PCDHA13: variants seen among roughly 807,000 people sequenced by gnomAD.
PCDHA13 encodes the protein protocadherin alpha-13.
A neutral mutation model predicts 64.8 loss-of-function variants in PCDHA13; 54 were observed. The ratio of observed to expected loss-of-function variants is 0.83; its 90% CI spans 0.67 to 1.04. The LOEUF (loss-of-function observed/expected upper bound fraction) is 1.04, where lower values mean the gene tolerates loss of function less well. Among genes scored for constraint, PCDHA13 ranks in the 50% least tolerant of loss-of-function variants. The probability of loss-of-function intolerance (pLI) is 0.00; values close to 1 mark genes in which losing one functional copy is unlikely to be tolerated. For missense variants in PCDHA13, 1,248 were observed against 1,254.3 expected, an observed-to-expected ratio of 0.99 and a Z score of 0.08; for synonymous variants, 587 against 564.4, an observed-to-expected ratio of 1.04 and a Z score of -0.57.
chr5:140,993,463 CACACA>C (rs1563592057), intron 3 of PCDHA13, among the ~76,000 whole-genome samples: 16 of 7,580 alleles, frequency 2.1e-3, no homozygotes, highest in African/African-American at 9.9e-3. Flanking sequence ...CTTTCTTTCT[CACACA>C]CACACACACA....
chr5:140,967,727 G>A, intron 1 of PCDHA13: 1 of 1,614,148 alleles, frequency 6.2e-7, no homozygotes. Context: ...GCGAGTAATT[G>A]GGGGGCTGGA....
intron 1 of PCDHA13, among the ~76,000 whole-genome samples, chr5:140,910,845 G>C (rs1448971238): frequency 6.6e-6 from 1 of 152,090 alleles, no homozygotes; most frequent in Non-Finnish European, 1.5e-5. Context: ...CAATGCCTTG[G>C]ATCTATGTTC....
In PCDHA13 at chr5:140,967,411, A is replaced by T. The variant is rs142102675; in HGVS notation, c.2395-11538A>T. The T allele has an allele frequency of 4.6e-5, 74 of 1,613,220 alleles. No individual in the cohort carries two copies. The African/African-American group carries it at 9.5e-4, about 21-fold the overall frequency. On this transcript the variant is annotated intron_variant, in intron 1 of 3. Coordinates refer to ENST00000289272, the MANE Select transcript of PCDHA13 (RefSeq NM_018904.3). The stretch of plus-strand genomic sequence containing the variant: ...TTGAGCTGGTGCTGCGTAAGGGCCT[A>T]GACCGGGAGCAGGCAGCCTTGCACC...
intron 1 of PCDHA13, among the ~76,000 whole-genome samples, chr5:140,897,050 G>A (rs1269082503): frequency 6.6e-6 from 1 of 152,014 alleles, no homozygotes; most frequent in Non-Finnish European, 1.5e-5. Flanking sequence ...CTATTCTGCT[G>A]TCAAATACTA....
At chr5:140,986,668 A>C (rs927109652) in intron 3 of PCDHA13, among the ~76,000 whole-genome samples, 15 of 152,192 alleles carry the variant, frequency 9.9e-5, no homozygotes, top group African/African-American at 3.6e-4. Context: ...CACAGTTTTC[A>C]GAAGAGTTCA....
At chr5:140,893,548 C>T (rs2064047739) in intron 1 of PCDHA13, among the ~76,000 whole-genome samples, 1 of 152,126 alleles carries the variant, frequency 6.6e-6, no homozygotes, top group Non-Finnish European at 1.5e-5. Flanking sequence ...TAGGACTTAT[C>T]TAGTTGTAGT....
At position 140,884,652 on chromosome 5, in the gene PCDHA13, G is replaced by A. The variant is rs2060303446; in HGVS notation, c.2384G>A (p.Cys795Tyr). 1 of 1,603,582 alleles carries A rather than the reference G, an allele frequency of 6.2e-7. No individual in the cohort carries two copies. Among genetic ancestry groups the A allele is most frequent in the Non-Finnish European group, 8.5e-7 (1 of 1,175,674 alleles). ...GTGQREEDSE[C>Y]LKEPRQPNPD... ...GGCCAGAGGGAGGAGGACTCAGAAT[G>A]CTTGAAAGAGGTAAGCTTATATTTT... The change falls in exon 1 of 4, where the codon TGC becomes TAC. Residue 795 changes from cysteine (C) to tyrosine (Y), a missense_variant. By Grantham distance (194) the Cys-to-Tyr change is radical (BLOSUM62 -2). Transcript: ENST00000289272.
chr5:140,985,902 T>G (rs1026675848), intron 3 of PCDHA13, among the ~76,000 whole-genome samples: 2 of 151,212 alleles, frequency 1.3e-5, no homozygotes, highest in Non-Finnish European at 2.9e-5. Flanking sequence ...ACCACTCCCG[T>G]CTAATTTTTT....
intron 1 of PCDHA13, among the ~76,000 whole-genome samples, chr5:140,954,634 T>C (rs1366737169): frequency 6.6e-6 from 1 of 152,210 alleles, no homozygotes; most frequent in Admixed American, 6.5e-5. Flanking sequence ...GTTTTTCTTG[T>C]AAATTTGTTT....
At chr5:140,954,864 G>A (rs2095103058) in intron 1 of PCDHA13, among the ~76,000 whole-genome samples, 1 of 152,074 alleles carries the variant, frequency 6.6e-6, no homozygotes, top group Admixed American at 6.5e-5. Context: ...TGTCCTGAAT[G>A]GTATTGCCTA....
intron 1 of PCDHA13, among the ~76,000 whole-genome samples, chr5:140,955,756 A>G (rs987029779): frequency 2.6e-5 from 4 of 152,182 alleles, no homozygotes; most frequent in African/African-American, 9.7e-5. Flanking sequence ...TATTGCCATA[A>G]CACTGATTCT....
chr5:140,886,996 T>C (rs1554182808), intron 1 of PCDHA13, among the ~76,000 whole-genome samples: 1 of 152,182 alleles, frequency 6.6e-6, no homozygotes, highest in African/African-American at 2.4e-5. Flanking sequence ...AATTTCCAGT[T>C]GGTATCACTT....
intron 2 of PCDHA13, among the ~76,000 whole-genome samples, chr5:140,979,404 C>T (rs2096848893): frequency 6.6e-6 from 1 of 151,980 alleles, no homozygotes; most frequent in Non-Finnish European, 1.5e-5. Context: ...ATGTTGTCTA[C>T]CTTGTTTTTT....
chr5:140,892,595 AT>A (rs1385818954), intron 1 of PCDHA13, among the ~76,000 whole-genome samples: 1 of 151,958 alleles, frequency 6.6e-6, no homozygotes, highest in African/African-American at 2.4e-5. Flanking sequence ...TCATTCACCT[AT>A]TTTTTTCCTT....
At chr5:141,003,158 A>G (rs902811266) in intron 3 of PCDHA13, among the ~76,000 whole-genome samples, 4 of 152,222 alleles carry the variant, frequency 2.6e-5, no homozygotes, top group Non-Finnish European at 5.9e-5. Context: ...GACCTGATCA[A>G]TCCTAGTCCC....
intron 1 of PCDHA13, chr5:140,967,277 A>G: frequency 6.2e-7 from 1 of 1,613,326 alleles, no homozygotes; most frequent in African/African-American, 1.3e-5. Context: ...TCACATAGAG[A>G]GTGCGCAGGA....
At chr5:140,957,373 T>G (rs906109440) in intron 1 of PCDHA13, among the ~76,000 whole-genome samples, 1 of 152,192 alleles carries the variant, frequency 6.6e-6, no homozygotes, top group Non-Finnish European at 1.5e-5. Flanking sequence ...ACTTTTATTA[T>G]AGTGTATTGT....
Position 141,011,329 on chromosome 5 carries a change from T to G in PCDHA13, c.*1392T>G, listed in dbSNP as rs924246191. 6.5e-6 allele frequency: 1 copy of G among 153,804 alleles called. No homozygotes were observed. Among genetic ancestry groups the G allele is most frequent in the African/African-American group, 2.4e-5 (1 of 41,472 alleles). 9.5% of individuals were successfully genotyped at this position (153,804 alleles called of 1,614,324 possible). ...TTGCTAATCTTACTAACACCTATGA[T>G]GTTACCTGAAATCAATCTCCCATAT... is the stretch of plus-strand genomic sequence containing the variant. On this transcript the variant is annotated 3_prime_UTR_variant, in exon 4 of 4. Coordinates refer to ENST00000289272, the MANE Select transcript of PCDHA13 (RefSeq NM_018904.3).
At chr5:140,937,162 C>A (rs2091378704) in intron 1 of PCDHA13, among the ~76,000 whole-genome samples, 1 of 151,684 alleles carries the variant, frequency 6.6e-6, no homozygotes, top group Non-Finnish European at 1.5e-5. Flanking sequence ...CTCAGCCTCC[C>A]GAGTAGCTGG....
Sources: gnomAD v4.1 joint callset for allele counts (sites outside exome capture counted in the v4.1 genomes callset) on GRCh38, gnomAD v4.1.1 for gene constraint, MANE v1.5 for transcripts, NCBI Gene and HGNC (gene_info 2026-07-23, HGNC 2026-07-21) for gene names.